OSBPL5: variants seen among roughly 807,000 people sequenced by gnomAD.
OSBPL5 encodes oxysterol binding protein like 5.
In OSBPL5, 71 loss-of-function variants were observed where a neutral mutation model predicts 111.2. That is an observed-to-expected ratio of 0.64 (90% CI 0.53 to 0.78). The LOEUF is 0.78. Among genes scored for constraint, OSBPL5 ranks in the 30% least tolerant of loss-of-function variants. The pLI is 0.00. For synonymous variants in OSBPL5, 549 were observed against 513.9 expected, an observed-to-expected ratio of 1.07 and a Z score of -0.93; for missense variants, 1,210 against 1,189.3, an observed-to-expected ratio of 1.02 and a Z score of -0.26.
Position 3,089,951 on chromosome 11 carries a change from G to A in OSBPL5, c.2399-3C>T. On this transcript the variant is annotated splice_polypyrimidine_tract_variant and splice_region_variant and intron_variant, in intron 20 of 21. Transcript: ENST00000263650. ...CCGAGGGCATGGGCTCTCACCGCCT[G>A]GGACGGCCCCGAGTGAGACAAAGGA... The A allele has an allele frequency of 1.3e-6, 2 of 1,539,560 alleles. No homozygotes were observed. The highest frequency in any genetic ancestry group is 2.4e-5 in the East Asian group (1 of 41,410).
chr11:3,130,082 T>C lies in OSBPL5; in HGVS notation c.-21-913A>G, dbSNP rs770959492. 1.2e-4 allele frequency among the ~76,000 whole-genome samples: 18 copies of C among 152,226 alleles called. No homozygotes were observed. The highest frequency in any genetic ancestry group is 2.6e-4 in the Admixed American group (4 of 15,286). ...GCTGGGCCAAGCAGAGGGTAACTGA[T>C]TGCAGTCACGCCTTTGCAGGCACTT... On this transcript the variant is annotated intron_variant, in intron 1 of 21. Transcript: ENST00000263650. This position sits in a 1 kb window ranked among gnomAD's most constrained non-coding sequence, Gnocchi z 4.5.
chr11:3,144,250 C>T (rs112138476), intron 1 of OSBPL5, among the ~76,000 whole-genome samples: 6,484 of 152,216 alleles, frequency 0.043, 189 homozygotes, highest in African/African-American at 0.077. Context: ...CTGGGGGATA[C>T]AATGAAACCG....
At chr11:3,117,828 A>C (rs1397492717) in intron 7 of OSBPL5, among the ~76,000 whole-genome samples, 1 of 152,212 alleles carries the variant, frequency 6.6e-6, no homozygotes. Flanking sequence ...GAAACTAGAC[A>C]ACTTAAACTT....
chr11:3,094,394 G>GCTGAGTACCGACCCAGCAGCACCGATCC lies in OSBPL5; in HGVS notation c.1622-88_1622-61dup, dbSNP rs572073191. On this transcript the variant is annotated intron_variant, in intron 14 of 21. Transcript: ENST00000263650. Reference sequence around the variant, plus strand: ...CCAGCCCTGCTGAGCCCCAGGCCCTGCTGAGTACCGACCCAGCAGCACCGA... The same window carrying GCTGAGTACCGACCCAGCAGCACCGATCC: ...CCAGCCCTGCTGAGCCCCAGGCCCTGCTGAGTACCGACCCAGCAGCACCGATCCCTGAGTACCGACCCAGCAGCACCGA... The GCTGAGTACCGACCCAGCAGCACCGATCC allele has an allele frequency of 3.6e-6, 5 of 1,369,898 alleles. No homozygotes were observed. In the African/African-American group the frequency reaches 6.9e-5, roughly 19 times the overall value. 84.9% of individuals were successfully genotyped at this position (1,369,898 alleles called of 1,614,324 possible).
At position 3,121,091 on chromosome 11, in the gene OSBPL5, C is replaced by CT. The variant is rs1353584368; in HGVS notation, c.403-468dup. 7.2e-6 allele frequency among the ~76,000 whole-genome samples: 1 copy of CT among 139,558 alleles called. No individual in the cohort carries two copies. The highest frequency in any genetic ancestry group is 2.7e-5 in the African/African-American group (1 of 37,018). 91.6% of individuals were successfully genotyped at this position (139,558 alleles called of 152,430 possible). ...TTTTTTTTTTTTTGAGACAGAGTCT[C>CT]TGTTGCCCAGGCTGGAGGTGCAGTG... On this transcript the variant is annotated intron_variant, in intron 5 of 21. Transcript: ENST00000263650. The surrounding 1 kb of genome is among the most constrained non-coding windows in gnomAD (Gnocchi z 4.3).
intron 2 of OSBPL5, among the ~76,000 whole-genome samples, chr11:3,127,608 G>A (rs889954769): frequency 2.0e-5 from 3 of 152,132 alleles, no homozygotes; most frequent in Non-Finnish European, 2.9e-5. Context: ...CCCCTGACCC[G>A]GAGTGCTGGG....
intron 1 of OSBPL5, among the ~76,000 whole-genome samples, chr11:3,150,379 C>T (rs147872888): frequency 1.4e-3 from 212 of 152,254 alleles, no homozygotes; most frequent in Middle Eastern, 6.8e-3. Context: ...GGTTGTCTTC[C>T]GGGCACCTGG....
intron 13 of OSBPL5, 62 bp from the exon 14 acceptor site, chr11:3,100,318 C>G: frequency 6.8e-7 from 1 of 1,460,378 alleles, no homozygotes; most frequent in East Asian, 2.3e-5. Flanking sequence ...TCTGAGGCCA[C>G]CCCTAAGTCA....
chr11:3,163,361 GAC>G (rs1056830606), intron 1 of OSBPL5, among the ~76,000 whole-genome samples: 1 of 152,156 alleles, frequency 6.6e-6, no homozygotes, highest in Non-Finnish European at 1.5e-5. Context: ...AGCTGGCAGA[GAC>G]ACACACAGCC....
At chr11:3,090,363 G>A (rs992025957) in intron 20 of OSBPL5, among the ~76,000 whole-genome samples, 195 bp downstream of exon 20, 34 of 149,514 alleles carry the variant, frequency 2.3e-4, no homozygotes, top group Admixed American at 6.0e-4. Context: ...CATTCCCCCC[G>A]TTGGCCCTTG....
rs1170838874 is a variant in OSBPL5 at position 3,104,162 on chromosome 11, T to A, written c.1244+31A>T. On this transcript the variant is annotated intron_variant, in intron 10 of 21. Transcript: ENST00000263650. The surrounding 1 kb of genome is among the most constrained non-coding windows in gnomAD (Gnocchi z 5.0). Reference sequence around the variant, plus strand: ...GGTCTCATGCAGATGCAGGACGAGGTGTGGGGTGCCCCTCCCGGCATGGCG... The same window carrying A: ...GGTCTCATGCAGATGCAGGACGAGGAGTGGGGTGCCCCTCCCGGCATGGCG... The A allele has an allele frequency of 1.3e-6, 2 of 1,581,828 alleles. No individual in the cohort carries two copies. The highest frequency in any genetic ancestry group is 1.7e-6 in the Non-Finnish European group (2 of 1,158,752).
At position 3,101,667 on chromosome 11, in the gene OSBPL5, G is replaced by A. The variant is rs764857249; in HGVS notation, c.1458C>T (p.His486=). The change falls in exon 13 of 22, where the codon CAC becomes CAT. Residue 486 remains histidine, a synonymous_variant. Coordinates refer to ENST00000263650, the MANE Select transcript of OSBPL5 (RefSeq NM_020896.4). ...AGAAGCCGTCCTTCCGGTTGCTGAC[G>A]TGGAAGGCAGACACGGGCGGGTGGT... ...VSHHPPVSAF[H]VSNRKDGFCI... 1.5e-5 allele frequency: 25 copies of A among 1,613,772 alleles called. No individual in the cohort carries two copies. Among genetic ancestry groups the A allele is most frequent in the African/African-American group, 4.0e-5 (3 of 74,934 alleles).
chr11:3,122,357 C>T lies in OSBPL5; in HGVS notation c.291G>A (p.Glu97=). 6.2e-7 allele frequency: 1 copy of T among 1,613,566 alleles called. No homozygotes were observed. Among genetic ancestry groups the T allele is most frequent in the Non-Finnish European group, 8.5e-7 (1 of 1,179,860 alleles). The change falls in exon 4 of 22, where the codon GAG becomes GAA. Residue 97 remains glutamate, a synonymous_variant. Coordinates refer to ENST00000263650, the MANE Select transcript of OSBPL5 (RefSeq NM_020896.4). ...CCGGGCCCGGGCTCACCTTGAGAGT[C>T]TCCTTCTTGGTGACCCTGGCGGTGG... is the stretch of plus-strand genomic sequence containing the variant. ...VSPTARVTKK[E]TLKAQKENYR...
chr11:3,091,714 A>T (rs549972067), intron 19 of OSBPL5, among the ~76,000 whole-genome samples: 1 of 152,274 alleles, frequency 6.6e-6, no homozygotes, highest in African/African-American at 2.4e-5. Context: ...CAGGCAGAGC[A>T]TGGGACATGC....
chr11:3,101,756 C>T (rs925035957), intron 12 of OSBPL5, 57 bp from the exon 13 acceptor site: 10 of 1,447,414 alleles, frequency 6.9e-6, no homozygotes, highest in Admixed American at 5.2e-5. Context: ...TCCCAGGAAG[C>T]GAGAGCCCAG....
chr11:3,112,065 G>GTA lies in OSBPL5; in HGVS notation c.692-4121_692-4120insTA, dbSNP rs1402732034. On this transcript the variant is annotated intron_variant, in intron 7 of 21. Coordinates refer to ENST00000263650, the MANE Select transcript of OSBPL5 (RefSeq NM_020896.4). ...TGCGCGCATGTGTGTGCATGTGTAT[G>GTA]TGTGTGTGCATGTGTGTGTGCATGT... 2.3e-4 allele frequency among the ~76,000 whole-genome samples: 16 copies of GTA among 69,506 alleles called. No individual in the cohort carries two copies. The South Asian group carries it at 3.9e-3, about 17-fold the overall frequency. 45.6% of individuals were successfully genotyped at this position (69,506 alleles called of 152,430 possible).
At chr11:3,118,225 G>A (rs1858277615) in intron 7 of OSBPL5, among the ~76,000 whole-genome samples, 1 of 152,190 alleles carries the variant, frequency 6.6e-6, no homozygotes, top group Non-Finnish European at 1.5e-5. Flanking sequence ...AAGTCAAGCT[G>A]GGCACTGCTA....
At position 3,134,966 on chromosome 11, in the gene OSBPL5, G is replaced by A. The variant is rs546879020; in HGVS notation, c.-21-5797C>T. ...TGGAGAGGGGACGCGGGAGAAGCTC[G>A]GCCCATGGAAGGCCCCCCTTTCTCT... On this transcript the variant is annotated intron_variant, in intron 1 of 21. Coordinates refer to ENST00000263650, the MANE Select transcript of OSBPL5 (RefSeq NM_020896.4). Among the ~76,000 whole-genome samples the A allele has an allele frequency of 6.6e-5, 10 of 152,316 alleles. No individual in the cohort carries two copies. The South Asian group carries it at 8.3e-4, about 13-fold the overall frequency.
At chr11:3,089,491 C>G (rs977651444) in intron 21 of OSBPL5, among the ~76,000 whole-genome samples, 7 of 141,316 alleles carry the variant, frequency 5.0e-5, no homozygotes, top group Admixed American at 4.2e-4. Flanking sequence ...ATGGGGCCAC[C>G]ACAGTGAGCC....
Sources: allele counts gnomAD v4.1 joint callset (sites outside exome capture counted in the v4.1 genomes callset), GRCh38; gene constraint gnomAD v4.1.1; non-coding constraint Gnocchi (gnomAD v3.1); transcripts MANE v1.5; gene names NCBI Gene and HGNC (gene_info 2026-07-23, HGNC 2026-07-21).